Variants in VAMP7 observed in about 807,000 individuals in gnomAD.
The protein encoded by VAMP7 is vesicle-associated membrane protein 7.
VAMP7 carries 14 observed loss-of-function variants against 29.6 expected under a neutral mutation model. The observed-to-expected ratio is 0.47, with a 90% CI of 0.31 to 0.74. The LOEUF (loss-of-function observed/expected upper bound fraction) is 0.74, where lower values mean the gene tolerates loss of function less well. VAMP7 is among the 30% of genes least tolerant of loss of function. The pLI is 0.05. For missense variants in VAMP7, 223 were observed against 262.4 expected (o/e 0.85, Z 1.04); for synonymous variants, 95 against 88.1 (o/e 1.08, Z -0.44).
intron 5 of VAMP7, among the ~76,000 whole-genome samples, chrX:155,906,822 C>A (rs1425641402): frequency 6.6e-6 from 1 of 152,040 alleles, no homozygotes; most frequent in Non-Finnish European, 1.5e-5. Flanking sequence ...TGCTTATTTG[C>A]CCTAGCTAGA....
intron 6 of VAMP7, among the ~76,000 whole-genome samples, chrX:155,921,070 TTCCA>T (rs2066388930): frequency 6.6e-6 from 1 of 152,162 alleles, no homozygotes; most frequent in Admixed American, 6.5e-5. Flanking sequence ...TCTTTGATAC[TTCCA>T]GGCTGTCTCT....
rs754766096 is a variant in VAMP7 at position 155,901,186 on chromosome X, GA to G, written c.433+600del. On this transcript the variant is annotated intron_variant, in intron 5 of 7. Coordinates refer to ENST00000286448, the MANE Select transcript of VAMP7 (RefSeq NM_005638.6). ...CCTATTATGTTTTTCTTATTTTCTTGAGATTAATTATCAGGAATGGGATTAA... is the reference window on the plus strand; with the variant it reads ...CCTATTATGTTTTTCTTATTTTCTTGGATTAATTATCAGGAATGGGATTAA... Among the ~76,000 whole-genome samples, 3 of 151,984 alleles carry G rather than the reference GA, an allele frequency of 2.0e-5. No homozygotes were observed. The East Asian group carries it at 5.8e-4, about 29-fold the overall frequency.
intron 5 of VAMP7, among the ~76,000 whole-genome samples, chrX:155,903,751 G>A (rs1350404382): frequency 6.6e-6 from 1 of 152,160 alleles, no homozygotes; most frequent in Non-Finnish European, 1.5e-5. Context: ...CTTTTACACA[G>A]TTGGTCGGAC....
chrX:155,905,408 AAC>A (rs2066133665), intron 5 of VAMP7, among the ~76,000 whole-genome samples: 1 of 152,126 alleles, frequency 6.6e-6, no homozygotes, highest in Non-Finnish European at 1.5e-5. Context: ...TTTGAAGCAC[AAC>A]AGTTTTTATG....
At chrX:155,898,077 T>C in intron 3 of VAMP7, 35 bp from the exon 4 acceptor site, 1 of 1,602,382 alleles carries the variant, frequency 6.2e-7, no homozygotes, top group Non-Finnish European at 8.5e-7. Context: ...TTTGTTTACT[T>C]TCTAAATGTG....
intron 6 of VAMP7, among the ~76,000 whole-genome samples, chrX:155,925,083 T>A (rs2066449377): frequency 6.6e-6 from 1 of 152,214 alleles, no homozygotes; most frequent in Admixed American, 6.5e-5. Context: ...CCAGTTCTAA[T>A]TCTAGTTCTC....
chrX:155,928,434 A>G (rs1421744706), intron 6 of VAMP7, among the ~76,000 whole-genome samples: 1 of 152,214 alleles, frequency 6.6e-6, no homozygotes, highest in Non-Finnish European at 1.5e-5. Flanking sequence ...CACTCCTTCC[A>G]GAGGCTCTAG....
At chrX:155,919,950 T>C in intron 6 of VAMP7, 70 bp downstream of exon 6, 1 of 1,218,032 alleles carries the variant, frequency 8.2e-7, no homozygotes. Flanking sequence ...GCTAACATAA[T>C]TGGGAAATAC....
intron 5 of VAMP7, among the ~76,000 whole-genome samples, chrX:155,917,271 A>G (rs1187927494): frequency 6.6e-6 from 1 of 152,018 alleles, no homozygotes; most frequent in African/African-American, 2.4e-5. Flanking sequence ...CCTTTTTTCA[A>G]GGTCCTTAGT....
intron 6 of VAMP7, among the ~76,000 whole-genome samples, chrX:155,931,607 T>C (rs1445828257): frequency 6.6e-6 from 1 of 152,246 alleles, no homozygotes; most frequent in Non-Finnish European, 1.5e-5. Flanking sequence ...AGAATCTGGA[T>C]ATTAGCCCTT....
chrX:155,932,679 A>C (rs1320586712), intron 6 of VAMP7, among the ~76,000 whole-genome samples: 1 of 152,080 alleles, frequency 6.6e-6, no homozygotes, highest in Non-Finnish European at 1.5e-5. Flanking sequence ...TCCTCTTTTC[A>C]TAATTGAATA....
At chrX:155,895,509 G>T (rs888557997) in intron 2 of VAMP7, 114 bp from the exon 3 acceptor site, 2 of 689,714 alleles carry the variant, frequency 2.9e-6, no homozygotes, top group Non-Finnish European at 5.2e-6. Context: ...GACTGTATCC[G>T]TAAGTAATAT....
chrX:155,916,506 T>G (rs1447067704), intron 5 of VAMP7, among the ~76,000 whole-genome samples: 2 of 152,186 alleles, frequency 1.3e-5, no homozygotes, highest in Non-Finnish European at 2.9e-5. Flanking sequence ...GTTTTTCCTT[T>G]CCATATTTAG....
intron 5 of VAMP7, among the ~76,000 whole-genome samples, chrX:155,905,988 T>A (rs2066141119): frequency 6.6e-6 from 1 of 152,126 alleles, no homozygotes; most frequent in African/African-American, 2.4e-5. Flanking sequence ...AGGGAGCCAT[T>A]TTAACAATAT....
At chrX:155,910,138 A>G (rs1330864692) in intron 5 of VAMP7, among the ~76,000 whole-genome samples, 1 of 152,076 alleles carries the variant, frequency 6.6e-6, no homozygotes, top group Non-Finnish European at 1.5e-5. Context: ...TCTGGTATCT[A>G]TTGTGCTATT....
At chrX:155,920,714 T>C (rs2066382736) in intron 6 of VAMP7, among the ~76,000 whole-genome samples, 1 of 152,126 alleles carries the variant, frequency 6.6e-6, no homozygotes, top group Non-Finnish European at 1.5e-5. Context: ...TCATCTTCTG[T>C]AAAATGAAGA....
intron 5 of VAMP7, among the ~76,000 whole-genome samples, chrX:155,903,641 C>T (rs763008308): frequency 3.3e-5 from 5 of 152,248 alleles, no homozygotes; most frequent in South Asian, 4.1e-4. Context: ...AAATGCAAAT[C>T]AAAACCACAA....
At chrX:155,884,392 G>C (rs959051527) in intron 1 of VAMP7, among the ~76,000 whole-genome samples, 8 of 152,216 alleles carry the variant, frequency 5.3e-5, no homozygotes, top group Admixed American at 4.6e-4. Context: ...CTCCCAAAGT[G>C]CTGGGATTAC....
At chrX:155,886,238 C>T (rs1023525642) in intron 1 of VAMP7, among the ~76,000 whole-genome samples, 2 of 152,116 alleles carry the variant, frequency 1.3e-5, no homozygotes, top group African/African-American at 4.8e-5. Flanking sequence ...CATTGTGCCA[C>T]AATTGTTTCT....
Sources: allele counts gnomAD v4.1 joint callset (sites outside exome capture counted in the v4.1 genomes callset), GRCh38; gene constraint gnomAD v4.1.1; transcripts MANE v1.5; gene names NCBI Gene and HGNC (gene_info 2026-07-23, HGNC 2026-07-21).